The following GNPAT variants were observed in gnomAD, a reference collection of about 807,000 sequenced individuals.
GNPAT encodes the protein glyceronephosphate O-acyltransferase.
In GNPAT, 30 loss-of-function variants were observed where a neutral mutation model predicts 78.4. The observed-to-expected ratio is 0.38, with a 90% CI of 0.29 to 0.52. GNPAT has a LOEUF of 0.52. Ranked by LOEUF, GNPAT falls within the 20% of genes least tolerant of loss-of-function variation. GNPAT has a pLI of 0.84. For synonymous variants in GNPAT, 271 were observed against 281.1 expected, an observed-to-expected ratio of 0.96 and a Z score of 0.36; for missense variants, 714 against 812.2, an observed-to-expected ratio of 0.88 and a Z score of 1.47.
Position 231,250,999 on chromosome 1 carries a change from A to G in GNPAT, c.117A>G (p.Leu39=). 1.2e-6 allele frequency: 2 copies of G among 1,612,322 alleles called. No individual in the cohort carries two copies. The highest frequency in any genetic ancestry group is 1.7e-6 in the Non-Finnish European group (2 of 1,178,472). The part of the protein sequence containing the change: ...LKKWDEFEDI[L]EERRHVSDLK... ...AGTGGGATGAGTTTGAAGATATTTT[A>G]GAAGAGAGGAGGCATGTCAGTGACT... Residue 39 remains leucine, a synonymous_variant, in exon 2 of 16, where the codon TTA becomes TTG. Coordinates refer to ENST00000366647, the MANE Select transcript of GNPAT (RefSeq NM_014236.4).
intron 2 of GNPAT, among the ~76,000 whole-genome samples, chr1:231,255,887 C>T (rs1026415299): frequency 8.5e-5 from 13 of 152,174 alleles, no homozygotes; most frequent in African/African-American, 2.9e-4. Flanking sequence ...TGTTTCAAAG[C>T]TGTAATAGTC....
intron 3 of GNPAT, 127 bp from the exon 4 acceptor site, chr1:231,262,596 C>T: frequency 1.3e-6 from 1 of 774,658 alleles, no homozygotes; most frequent in Non-Finnish European, 2.2e-6. Context: ...ATGTGTATGG[C>T]AAAAAGGCAG....
chr1:231,262,111 C>T (rs1443287639), intron 3 of GNPAT, among the ~76,000 whole-genome samples: 1 of 152,210 alleles, frequency 6.6e-6, no homozygotes, highest in African/African-American at 2.4e-5. Flanking sequence ...TATTTGGAAA[C>T]TCAAATTATC....
In GNPAT at chr1:231,270,950, G is replaced by A. The variant is rs767959114; in HGVS notation, c.1472G>A (p.Arg491His). The A allele has an allele frequency of 1.2e-5, 19 of 1,613,880 alleles. No individual in the cohort carries two copies. The highest frequency in any genetic ancestry group is 6.6e-5 in the South Asian group (6 of 91,070). The part of the protein sequence containing the change: ...YRNQLLNIFV[R>H]PSLVAVALQM... ...AACCAGCTGCTCAACATTTTTGTGC[G>A]CCCATCCTTAGTAGCAGTAGCATTG... Residue 491 changes from arginine (R) to histidine (H), a missense_variant, in exon 10 of 16, where the codon CGC becomes CAC. Transcript: ENST00000366647.
chr1:231,270,384 A>T (rs1276351362), intron 9 of GNPAT, among the ~76,000 whole-genome samples: 1 of 152,160 alleles, frequency 6.6e-6, no homozygotes, highest in African/African-American at 2.4e-5. Flanking sequence ...TAGTATTCTT[A>T]CATTCCCGTG....
intron 2 of GNPAT, among the ~76,000 whole-genome samples, chr1:231,257,426 G>A (rs1685095830): frequency 1.3e-5 from 2 of 152,286 alleles, no homozygotes; most frequent in Middle Eastern, 3.4e-3. Context: ...AGGTTACCAT[G>A]GATCTCCAAC....
intron 1 of GNPAT, among the ~76,000 whole-genome samples, chr1:231,243,907 T>G (rs1684683979): frequency 6.6e-6 from 1 of 152,000 alleles, no homozygotes; most frequent in African/African-American, 2.4e-5. Context: ...AATATATGTG[T>G]GTATATGTAT....
chr1:231,265,127 A>G (rs900801418), intron 4 of GNPAT, among the ~76,000 whole-genome samples, 166 bp from the exon 5 acceptor site: 1 of 152,202 alleles, frequency 6.6e-6, no homozygotes, highest in African/African-American at 2.4e-5. Context: ...CCGAGGCAGG[A>G]GGACTGCTTG....
chr1:231,247,445 C>T lies in GNPAT; in HGVS notation c.79-3516C>T, dbSNP rs373622795. On this transcript the variant is annotated intron_variant, in intron 1 of 15. Transcript: ENST00000366647. ...TGTTTTAGAGACCATCTTGAAAATC[C>T]GATTATTGAGGGTTCAGTGAAGACT... Among the ~76,000 whole-genome samples the T allele has an allele frequency of 4.5e-4, 68 of 152,162 alleles. No homozygotes were observed. The South Asian group carries it at 0.013, about 30-fold the overall frequency.
chr1:231,273,345 G>A (rs774937479), intron 11 of GNPAT, among the ~76,000 whole-genome samples: 15 of 147,548 alleles, frequency 1.0e-4, no homozygotes, highest in South Asian at 2.2e-4. Context: ...TCTGCCTCCC[G>A]GGTTCACTCC....
chr1:231,245,039 C>T (rs1253527725), intron 1 of GNPAT, among the ~76,000 whole-genome samples: 1 of 152,206 alleles, frequency 6.6e-6, no homozygotes, highest in Non-Finnish European at 1.5e-5. Context: ...CCCTCGAATG[C>T]TCATAGTCCC....
At chr1:231,245,969 C>CA (rs930273865) in intron 1 of GNPAT, among the ~76,000 whole-genome samples, 1,995 of 143,978 alleles carry the variant, frequency 0.014, 31 homozygotes, top group African/African-American at 0.048. Flanking sequence ...AACTCTGTCT[C>CA]AAAAAAAAAA....
In GNPAT at chr1:231,267,911, G is replaced by C; in HGVS notation, c.1279+8G>C. The C allele has an allele frequency of 6.7e-7, 1 of 1,498,276 alleles. No homozygotes were observed. Among genetic ancestry groups the C allele is most frequent in the Non-Finnish European group, 9.3e-7 (1 of 1,074,090 alleles). The allele number at this position is 1,498,276 out of a possible 1,614,324, so 92.8% of individuals were successfully genotyped here. A position where few individuals can be genotyped will look rare whatever the true frequency, so the allele number is the denominator to read the frequency against. On this transcript the variant is annotated splice_region_variant and intron_variant, in intron 9 of 15. Transcript: ENST00000366647. Reference sequence around the variant, plus strand: ...GGTTTCTCATTTGGCCTGGTATGTAGGTAGGACATATGTGTTGAGAATGCT... The same window carrying C: ...GGTTTCTCATTTGGCCTGGTATGTACGTAGGACATATGTGTTGAGAATGCT...
At chr1:231,244,295 T>A (rs1471021646) in intron 1 of GNPAT, among the ~76,000 whole-genome samples, 3 of 152,180 alleles carry the variant, frequency 2.0e-5, no homozygotes, top group Non-Finnish European at 4.4e-5. Flanking sequence ...GGGAATCTGA[T>A]GCATAAAAGT....
At chr1:231,252,715 T>A (rs1684932437) in intron 2 of GNPAT, among the ~76,000 whole-genome samples, 1 of 152,154 alleles carries the variant, frequency 6.6e-6, no homozygotes, top group South Asian at 2.1e-4. Flanking sequence ...TTTTTTTTTT[T>A]CTTTTGGTCC....
chr1:231,255,093 C>T (rs1011687274), intron 2 of GNPAT, among the ~76,000 whole-genome samples: 13 of 152,070 alleles, frequency 8.5e-5, no homozygotes, highest in Non-Finnish European at 1.3e-4. Context: ...CTCTCAACTT[C>T]CTGTGATCAA....
Position 231,277,780 on chromosome 1 carries a change from G to T in GNPAT, c.*238G>T. The T allele has an allele frequency of 2.1e-6, 1 of 471,114 alleles. No homozygotes were observed. The highest frequency in any genetic ancestry group is 3.8e-6 in the Non-Finnish European group (1 of 261,182). The allele number at this position is 471,114 out of a possible 1,614,324, so 29.2% of individuals were successfully genotyped here. The stretch of plus-strand genomic sequence containing the variant: ...TGTGTGTGTTTTAAAATAAACTTTT[G>T]GAAACATGTTTGGAAAAGCAAAGCT... On this transcript the variant is annotated 3_prime_UTR_variant, in exon 16 of 16. Coordinates refer to ENST00000366647, the MANE Select transcript of GNPAT (RefSeq NM_014236.4).
At chr1:231,268,004 CAGA>C in intron 9 of GNPAT, 101 bp downstream of exon 9, 4 of 811,192 alleles carry the variant, frequency 4.9e-6, no homozygotes, top group Non-Finnish European at 6.3e-6. Context: ...AAGGATTGCT[CAGA>C]AAGAGAAAGG....
chr1:231,248,973 A>G lies in GNPAT; in HGVS notation c.79-1988A>G, dbSNP rs563849879. Among the ~76,000 whole-genome samples the G allele has an allele frequency of 2.0e-5, 3 of 152,308 alleles. No individual in the cohort carries two copies. In the South Asian group the frequency reaches 6.2e-4, roughly 32 times the overall value. ...TGTACAATGATGAAATTGCCTACCA[A>G]TGCATTTCTCAGAGTGTATCTCTGT... On this transcript the variant is annotated intron_variant, in intron 1 of 15. Coordinates refer to ENST00000366647, the MANE Select transcript of GNPAT (RefSeq NM_014236.4).
Sources: allele counts gnomAD v4.1 joint callset (sites outside exome capture counted in the v4.1 genomes callset), GRCh38; gene constraint gnomAD v4.1.1; transcripts MANE v1.5; gene names NCBI Gene and HGNC (gene_info 2026-07-23, HGNC 2026-07-21).